GALNT12: variants seen among roughly 807,000 people sequenced by gnomAD.
GALNT12 encodes the protein polypeptide N-acetylgalactosaminyltransferase 12.
Under a neutral mutation model 55.5 loss-of-function variants are expected in GALNT12, and 45 were observed. That is an observed-to-expected ratio of 0.81 (90% CI 0.64 to 1.04). GALNT12 has a LOEUF of 1.04. Among genes scored for constraint, GALNT12 ranks in the 50% least tolerant of loss-of-function variants. The pLI, the probability that GALNT12 is intolerant of heterozygous loss-of-function variation, is 0.00. For synonymous variants in GALNT12, 304 were observed against 312.2 expected (o/e 0.97, Z 0.28); for missense variants, 709 against 754.8 (o/e 0.94, Z 0.71).
intron 5 of GALNT12, among the ~76,000 whole-genome samples, chr9:98,836,718 T>C (rs1008424021): frequency 1.6e-4 from 25 of 152,212 alleles, no homozygotes; most frequent in African/African-American, 5.5e-4. Context: ...GTGAGTCAAG[T>C]GCATGAGCTT....
chr9:98,835,524 CT>C (rs1836119960), intron 5 of GALNT12, among the ~76,000 whole-genome samples, 158 bp downstream of exon 5: 2 of 152,104 alleles, frequency 1.3e-5, no homozygotes, highest in Admixed American at 6.6e-5. Flanking sequence ...AAAAAGTGTA[CT>C]TTTTCTAGAT....
At chr9:98,835,426 TG>T in intron 5 of GALNT12, 60 bp downstream of exon 5, 1 of 1,064,410 alleles carries the variant, frequency 9.4e-7, no homozygotes, top group Non-Finnish European at 1.5e-6. Context: ...TTGGGAACGA[TG>T]GGATTTGCTG....
At chr9:98,833,742 G>A (rs1479551241) in intron 4 of GALNT12, among the ~76,000 whole-genome samples, 1 of 152,104 alleles carries the variant, frequency 6.6e-6, no homozygotes, top group African/African-American at 2.4e-5. Context: ...ATCCCTCACT[G>A]AATAGGTTTG....
At chr9:98,848,765 G>A (rs886180007) in intron 9 of GALNT12, 187 bp from the exon 10 acceptor site, 42 of 677,834 alleles carry the variant, frequency 6.2e-5, no homozygotes, top group Non-Finnish European at 9.9e-5. Context: ...CAAGCGGGAC[G>A]CAGCCTGTAC....
intron 6 of GALNT12, among the ~76,000 whole-genome samples, chr9:98,839,743 T>A (rs962822406): frequency 1.3e-5 from 2 of 152,168 alleles, no homozygotes; most frequent in Non-Finnish European, 2.9e-5. Flanking sequence ...GGTTGTCCTC[T>A]ACCCTTGTGC....
chr9:98,823,475 T>C (rs371840182), intron 2 of GALNT12, 50 bp downstream of exon 2: 56 of 1,557,578 alleles, frequency 3.6e-5, no homozygotes, highest in Non-Finnish European at 4.9e-5. Context: ...TGTAGCAGTG[T>C]CTGGGAGGTG....
At chr9:98,846,198 C>T (rs553783609) in intron 9 of GALNT12, 75 bp downstream of exon 9, 1 of 1,561,830 alleles carries the variant, frequency 6.4e-7, no homozygotes, top group Admixed American at 1.7e-5. Flanking sequence ...CAGACGTTCT[C>T]TCTGGCATAG....
At chr9:98,827,050 T>C in intron 3 of GALNT12, 109 bp downstream of exon 3, 1 of 1,156,928 alleles carries the variant, frequency 8.6e-7, no homozygotes, top group East Asian at 2.6e-5. Context: ...TGGGCTCAGC[T>C]GCTTCTCTGT....
intron 1 of GALNT12, 131 bp downstream of exon 1, chr9:98,808,200 C>A: frequency 4.4e-6 from 3 of 676,736 alleles, no homozygotes; most frequent in South Asian, 2.0e-5. Context: ...TCTCCGAAGA[C>A]GATAGTGTAA....
In GALNT12 at chr9:98,831,756, TC is replaced by T. The variant is rs1296942745; in HGVS notation, c.732-15del. ...TCTGCATAGGAGAGACGGATGGATGTCTTGGGTGCTTTCAGGATCCATGAAG... is the reference window on the plus strand; with the variant it reads ...TCTGCATAGGAGAGACGGATGGATGTTTGGGTGCTTTCAGGATCCATGAAG... On this transcript the variant is annotated splice_polypyrimidine_tract_variant and intron_variant, in intron 3 of 9. Transcript: ENST00000375011. 1.9e-6 allele frequency: 3 copies of T among 1,614,036 alleles called. No individual in the cohort carries two copies. In the Admixed American group the frequency reaches 5.0e-5, roughly 27 times the overall value.
intron 4 of GALNT12, among the ~76,000 whole-genome samples, 171 bp from the exon 5 acceptor site, chr9:98,835,078 G>C (rs1279020229): frequency 1.3e-5 from 2 of 152,158 alleles, no homozygotes; most frequent in African/African-American, 4.8e-5. Flanking sequence ...AGGGACCGTA[G>C]GGTACATCTA....
In GALNT12 at chr9:98,814,329, C is replaced by T. The variant is rs80240283; in HGVS notation, c.371+6260C>T. 2.0e-3 allele frequency among the ~76,000 whole-genome samples: 298 copies of T among 152,180 alleles called. 4 individuals are homozygous for T. The highest frequency in any genetic ancestry group is 7.0e-3 in the African/African-American group (289 of 41,520). The stretch of plus-strand genomic sequence containing the variant: ...AGGTAAGACACAAAAATGTACATCA[C>T]GATCTCCTTGGCCTTTTCTACAGAG... On this transcript the variant is annotated intron_variant, in intron 1 of 9. Transcript: ENST00000375011.
intron 2 of GALNT12, among the ~76,000 whole-genome samples, chr9:98,824,000 A>G (rs948245772): frequency 6.6e-6 from 1 of 152,208 alleles, no homozygotes; most frequent in Non-Finnish European, 1.5e-5. Flanking sequence ...AAGCTTAACC[A>G]AGGACAAGTG....
At chr9:98,817,367 G>A (rs1285485966) in intron 1 of GALNT12, among the ~76,000 whole-genome samples, 2 of 152,156 alleles carry the variant, frequency 1.3e-5, no homozygotes, top group Non-Finnish European at 2.9e-5. Flanking sequence ...TAATGAAGAC[G>A]CAGTTATTAA....
chr9:98,823,318 A>G lies in GALNT12; in HGVS notation c.434A>G (p.Tyr145Cys). Residue 145 changes from tyrosine (Y) to cysteine (C), a missense_variant, in exon 2 of 10, where the codon TAT becomes TGT. Coordinates refer to ENST00000375011, the MANE Select transcript of GALNT12 (RefSeq NM_024642.5). ...AGGACATCTGTTATCATAGCATTTT[A>G]TAATGAAGCCTGGTCAACTCTCCTT... The part of the protein sequence containing the change: ...LPRTSVIIAF[Y>C]NEAWSTLLRT... 6.2e-7 allele frequency: 1 copy of G among 1,614,090 alleles called. No homozygotes were observed. Among genetic ancestry groups the G allele is most frequent in the Non-Finnish European group, 8.5e-7 (1 of 1,179,878 alleles).
intron 3 of GALNT12, among the ~76,000 whole-genome samples, chr9:98,828,542 G>A (rs938376264): frequency 6.6e-6 from 1 of 152,212 alleles, no homozygotes; most frequent in African/African-American, 2.4e-5. Context: ...AATGCTTTTA[G>A]AATTCCTCTT....
chr9:98,809,081 C>G (rs577067862), intron 1 of GALNT12, among the ~76,000 whole-genome samples: 1 of 152,316 alleles, frequency 6.6e-6, no homozygotes, highest in African/African-American at 2.4e-5. Flanking sequence ...CAAGGCCCCT[C>G]AGCTGGAATG....
intron 9 of GALNT12, among the ~76,000 whole-genome samples, chr9:98,848,473 C>G (rs1203952188): frequency 6.6e-6 from 1 of 152,192 alleles, no homozygotes; most frequent in Non-Finnish European, 1.5e-5. Flanking sequence ...CACTGATTCT[C>G]TGATGTGTGA....
At chr9:98,810,619 G>A (rs1835475410) in intron 1 of GALNT12, among the ~76,000 whole-genome samples, 1 of 152,168 alleles carries the variant, frequency 6.6e-6, no homozygotes, top group South Asian at 2.1e-4. Context: ...GAATGACTAA[G>A]GGACCACTTG....
Sources: gnomAD v4.1 joint callset for allele counts (sites outside exome capture counted in the v4.1 genomes callset) on GRCh38, gnomAD v4.1.1 for gene constraint, MANE v1.5 for transcripts, NCBI Gene and HGNC (gene_info 2026-07-23, HGNC 2026-07-21) for gene names.